Variants in SP140L observed in about 807,000 individuals in gnomAD.
The protein encoded by SP140L is nuclear body protein SP140-like protein.
A neutral mutation model predicts 84.3 loss-of-function variants in SP140L; 64 were observed. The observed-to-expected ratio is 0.76, with a 90% CI of 0.62 to 0.94. SP140L has a LOEUF of 0.94. Among genes scored for constraint, SP140L ranks in the 40% least tolerant of loss-of-function variants. The pLI is 0.00. For synonymous variants in SP140L, 242 were observed against 236.9 expected, an observed-to-expected ratio of 1.02 and a Z score of -0.20; for missense variants, 628 against 692.5, an observed-to-expected ratio of 0.91 and a Z score of 1.05.
intron 7 of SP140L, among the ~76,000 whole-genome samples, chr2:230,382,816 C>T (rs2061452183): frequency 6.6e-6 from 1 of 152,224 alleles, no homozygotes. Flanking sequence ...GCCTACTGCC[C>T]TCCCATAGTG....
intron 7 of SP140L, among the ~76,000 whole-genome samples, chr2:230,374,145 G>C (rs1296484079): frequency 6.6e-6 from 1 of 152,038 alleles, no homozygotes; most frequent in Non-Finnish European, 1.5e-5. Flanking sequence ...GTGAAACCCT[G>C]TCTCTACTAA....
chr2:230,361,654 A>G lies in SP140L; in HGVS notation c.480A>G (p.Lys160=). 1 of 1,563,234 alleles carries G rather than the reference A, an allele frequency of 6.4e-7. No individual in the cohort carries two copies. Among genetic ancestry groups the G allele is most frequent in the Non-Finnish European group, 8.7e-7 (1 of 1,152,566 alleles). The change falls in exon 5 of 19, where the codon AAA becomes AAG. Residue 160 remains lysine (K), a synonymous_variant. Coordinates refer to ENST00000415673, the MANE Select transcript of SP140L (RefSeq NM_138402.6). ...DKLSFQESDR[K]EREERPDIKL... ...TGTCTTTCCAAGAAAGTGATCGAAA[A>G]GAAAGGGAAGAGAGGCCTGACATCA...
intron 2 of SP140L, among the ~76,000 whole-genome samples, chr2:230,354,540 G>A (rs2060458110): frequency 1.3e-5 from 2 of 152,072 alleles, no homozygotes; most frequent in Non-Finnish European, 2.9e-5. Context: ...GGCCAAGGTG[G>A]GAGGATCACT....
chr2:230,342,363 C>G (rs1020155948), intron 2 of SP140L, among the ~76,000 whole-genome samples: 2 of 152,210 alleles, frequency 1.3e-5, no homozygotes, highest in Non-Finnish European at 2.9e-5. Flanking sequence ...GCGCACGGTG[C>G]GTGCACCCAC....
chr2:230,344,176 A>T (rs562995541), intron 2 of SP140L, among the ~76,000 whole-genome samples: 2 of 152,294 alleles, frequency 1.3e-5, no homozygotes, highest in African/African-American at 4.8e-5. Flanking sequence ...TAGGTTTCTA[A>T]TAACCTGCTT....
intron 7 of SP140L, 61 bp downstream of exon 7, chr2:230,371,712 T>C (rs2061078974): frequency 7.1e-7 from 1 of 1,405,660 alleles, no homozygotes; most frequent in Non-Finnish European, 9.9e-7. Context: ...AATGCCAGAG[T>C]TTTCTTTTTG....
intron 2 of SP140L, among the ~76,000 whole-genome samples, chr2:230,334,736 G>A (rs949536814): frequency 4.6e-5 from 7 of 151,734 alleles, no homozygotes; most frequent in African/African-American, 1.7e-4. Flanking sequence ...TATATAAATG[G>A]TTTCTTTAAT....
At chr2:230,343,291 T>C (rs1022410898) in intron 2 of SP140L, among the ~76,000 whole-genome samples, 1 of 147,780 alleles carries the variant, frequency 6.8e-6, no homozygotes, top group South Asian at 2.2e-4. Context: ...TGTTCATGTG[T>C]TCTCAACATT....
At chr2:230,345,975 A>G (rs2060196456) in intron 2 of SP140L, among the ~76,000 whole-genome samples, 1 of 152,142 alleles carries the variant, frequency 6.6e-6, no homozygotes. Flanking sequence ...TGAGTTTTGT[A>G]TATTTATATA....
At chr2:230,344,797 C>T (rs531357648) in intron 2 of SP140L, among the ~76,000 whole-genome samples, 1 of 152,118 alleles carries the variant, frequency 6.6e-6, no homozygotes, top group Non-Finnish European at 1.5e-5. Flanking sequence ...TTTAACTTCC[C>T]TACATTATTT....
chr2:230,340,799 T>C (rs1272677947), intron 2 of SP140L, among the ~76,000 whole-genome samples: 4 of 135,266 alleles, frequency 3.0e-5, no homozygotes, highest in African/African-American at 8.4e-5. Flanking sequence ...TTCTTTTCTT[T>C]AAGAATGTTG....
intron 2 of SP140L, among the ~76,000 whole-genome samples, chr2:230,345,745 A>G (rs544203121): frequency 6.6e-6 from 1 of 152,196 alleles, no homozygotes; most frequent in Non-Finnish European, 1.5e-5. Context: ...CTTCAACCAC[A>G]TATAAAACTC....
chr2:230,397,776 C>G (rs2062117646), intron 14 of SP140L, among the ~76,000 whole-genome samples: 1 of 152,140 alleles, frequency 6.6e-6, no homozygotes, highest in Admixed American at 6.5e-5. Context: ...AGATTTAGGT[C>G]TTTTCCACAC....
chr2:230,347,074 T>C (rs2060229882), intron 2 of SP140L, among the ~76,000 whole-genome samples: 1 of 152,202 alleles, frequency 6.6e-6, no homozygotes, highest in Admixed American at 6.5e-5. Context: ...TCTGGACAGG[T>C]CAGCTGGTAG....
chr2:230,395,392 C>A (rs920059196), intron 13 of SP140L, among the ~76,000 whole-genome samples: 1 of 151,910 alleles, frequency 6.6e-6, no homozygotes. Context: ...AACCTGGACA[C>A]ATCGTGAGAT....
intron 2 of SP140L, among the ~76,000 whole-genome samples, chr2:230,348,664 C>G (rs1161925255): frequency 1.3e-5 from 2 of 152,122 alleles, no homozygotes; most frequent in African/African-American, 2.4e-5. Flanking sequence ...CAGACTGTGC[C>G]TAGTCTTTTC....
intron 5 of SP140L, among the ~76,000 whole-genome samples, chr2:230,364,309 A>G (rs1448479320): frequency 6.6e-6 from 1 of 152,046 alleles, no homozygotes; most frequent in African/African-American, 2.4e-5. Flanking sequence ...GTATCTTTCC[A>G]TTTTTTGTTC....
At chr2:230,374,505 T>A (rs1010183555) in intron 7 of SP140L, among the ~76,000 whole-genome samples, 1 of 152,196 alleles carries the variant, frequency 6.6e-6, no homozygotes, top group Non-Finnish European at 1.5e-5. Context: ...AATATATTAG[T>A]TGATAAAGCA....
intron 16 of SP140L, 33 bp from the exon 17 acceptor site, chr2:230,401,333 C>G: frequency 1.2e-6 from 2 of 1,606,172 alleles, no homozygotes; most frequent in Non-Finnish European, 1.7e-6. Context: ...TCTCTCCAAG[C>G]TGCTTTTCAT....
Sources: gnomAD v4.1 joint callset for allele counts (sites outside exome capture counted in the v4.1 genomes callset) on GRCh38, gnomAD v4.1.1 for gene constraint, MANE v1.5 for transcripts, NCBI Gene and HGNC (gene_info 2026-07-23, HGNC 2026-07-21) for gene names.